The following CACNA2D3 variants were observed in gnomAD, a reference collection of about 807,000 sequenced individuals.
CACNA2D3 encodes the protein voltage-dependent calcium channel subunit alpha-2/delta-3.
Under a neutral mutation model 160.6 loss-of-function variants are expected in CACNA2D3, and 60 were observed. The observed-to-expected ratio is 0.37, with a 90% CI of 0.30 to 0.46. The LOEUF is 0.46. Ranked by LOEUF, CACNA2D3 falls within the 20% of genes least tolerant of loss-of-function variation. The probability of loss-of-function intolerance (pLI) is 1.00; values close to 1 mark genes in which losing one functional copy is unlikely to be tolerated. For missense variants in CACNA2D3, 1,205 were observed against 1,365.0 expected, an observed-to-expected ratio of 0.88 and a Z score of 1.85; for synonymous variants, 558 against 492.9, an observed-to-expected ratio of 1.13 and a Z score of -1.75.
At chr3:54,877,644 G>C (rs767293074) in intron 18 of CACNA2D3, among the ~76,000 whole-genome samples, 1 of 152,166 alleles carries the variant, frequency 6.6e-6, no homozygotes. Flanking sequence ...TTTTTGTTAT[G>C]ATTTAAGACA....
intron 11 of CACNA2D3, among the ~76,000 whole-genome samples, chr3:54,644,240 C>G (rs1177304346): frequency 6.6e-6 from 1 of 151,962 alleles, no homozygotes; most frequent in Non-Finnish European, 1.5e-5. Context: ...TTAATTGAAA[C>G]CAGAATTCTG....
At chr3:54,193,633 T>C (rs1243815411) in intron 2 of CACNA2D3, among the ~76,000 whole-genome samples, 2 of 152,228 alleles carry the variant, frequency 1.3e-5, no homozygotes, top group Non-Finnish European at 2.9e-5. Context: ...GGTGGCTATC[T>C]AACCTGGGCA....
At chr3:55,026,509 A>C (rs1472588696) in intron 35 of CACNA2D3, among the ~76,000 whole-genome samples, 1 of 152,204 alleles carries the variant, frequency 6.6e-6, no homozygotes, top group African/African-American at 2.4e-5. Context: ...AGTAAATGTT[A>C]CACGGGGGTC....
intron 27 of CACNA2D3, chr3:54,927,846 G>A (rs538779484): frequency 1.3e-5 from 20 of 1,578,590 alleles, no homozygotes; most frequent in African/African-American, 2.7e-5. Flanking sequence ...ACCTTTGTGA[G>A]GGGATACCAT....
At chr3:54,422,952 G>A (rs1415926083) in intron 4 of CACNA2D3, among the ~76,000 whole-genome samples, 3 of 152,192 alleles carry the variant, frequency 2.0e-5, no homozygotes, top group African/African-American at 7.2e-5. Flanking sequence ...CGTGGAATGG[G>A]ACAGCAGGCA....
chr3:54,343,078 A>G (rs528494484), intron 3 of CACNA2D3, among the ~76,000 whole-genome samples: 4 of 152,352 alleles, frequency 2.6e-5, no homozygotes, highest in Non-Finnish European at 2.9e-5. Context: ...TTCAATAGTG[A>G]GCAGTTGAAA....
intron 30 of CACNA2D3, among the ~76,000 whole-genome samples, chr3:54,985,730 C>G (rs1281305917): frequency 6.6e-6 from 1 of 152,142 alleles, no homozygotes; most frequent in Non-Finnish European, 1.5e-5. Flanking sequence ...AGTTAATTGT[C>G]CTTAAGTGTG....
chr3:54,122,936 C>T, intron 1 of CACNA2D3, 101 bp downstream of exon 1: 1 of 1,094,596 alleles, frequency 9.1e-7, no homozygotes, highest in Non-Finnish European at 1.1e-6. Context: ...GCAGGACCCG[C>T]CGCGGGCGTC....
chr3:54,856,859 C>T (rs977671551), intron 17 of CACNA2D3, among the ~76,000 whole-genome samples: 1 of 152,188 alleles, frequency 6.6e-6, no homozygotes. Context: ...CGGCTCACTG[C>T]ATTCTCCACC....
At chr3:54,580,027 T>C (rs1450653105) in intron 8 of CACNA2D3, among the ~76,000 whole-genome samples, 1 of 152,072 alleles carries the variant, frequency 6.6e-6, no homozygotes, top group Admixed American at 6.6e-5. Context: ...GTTGGGGGCA[T>C]TGAGGACCTG....
intron 11 of CACNA2D3, among the ~76,000 whole-genome samples, chr3:54,708,448 C>T (rs1030424020): frequency 9.2e-5 from 14 of 152,148 alleles, no homozygotes; most frequent in African/African-American, 3.1e-4. Context: ...CCCTAATAAA[C>T]ACTTCTTCGA....
chr3:54,858,135 T>C (rs1459546116), intron 17 of CACNA2D3, among the ~76,000 whole-genome samples: 1 of 151,834 alleles, frequency 6.6e-6, no homozygotes, highest in Non-Finnish European at 1.5e-5. Context: ...CATCAAAATG[T>C]AATTACAGGC....
Position 55,074,136 on chromosome 3 carries a change from G to T in CACNA2D3, c.3206G>T (p.Gly1069Val), listed in dbSNP as rs200174924. 7 of 1,613,792 alleles carry T rather than the reference G, an allele frequency of 4.3e-6. No individual in the cohort carries two copies. The highest frequency in any genetic ancestry group is 5.9e-6 in the Non-Finnish European group (7 of 1,179,760). The change falls in exon 38 of 38, where the codon GGT becomes GTT. Residue 1069 changes from glycine (G) to valine (V), a missense_variant. Gly to Val is a moderately radical substitution (Grantham distance 109). Coordinates refer to ENST00000474759, the MANE Select transcript of CACNA2D3 (RefSeq NM_018398.3). ...HPEENARECG[G>V]APSLQAQTVL... The stretch of plus-strand genomic sequence containing the variant: ...TAGGAGAATGCAAGGGAGTGTGGGG[G>T]TGCGCCGAGTCTCCAAGCCCAGACA...
At chr3:55,042,280 T>A (rs566879265) in intron 35 of CACNA2D3, among the ~76,000 whole-genome samples, 3 of 152,308 alleles carry the variant, frequency 2.0e-5, no homozygotes, top group African/African-American at 7.2e-5. Flanking sequence ...TCTACGTCTC[T>A]CTCCCTTTAG....
At chr3:54,290,798 C>A (rs910598319) in intron 2 of CACNA2D3, among the ~76,000 whole-genome samples, 2 of 152,030 alleles carry the variant, frequency 1.3e-5, no homozygotes, top group Non-Finnish European at 2.9e-5. Flanking sequence ...TCTCAGCAAA[C>A]TATCGCAAGG....
At chr3:54,881,343 T>C (rs1042493764) in intron 21 of CACNA2D3, among the ~76,000 whole-genome samples, 137 of 152,298 alleles carry the variant, frequency 9.0e-4, no homozygotes, top group Non-Finnish European at 1.6e-3. Context: ...TTGTGTTTCA[T>C]GGCAGCCCTG....
intron 11 of CACNA2D3, among the ~76,000 whole-genome samples, chr3:54,726,059 A>G (rs1371159603): frequency 1.3e-5 from 2 of 152,252 alleles, no homozygotes; most frequent in African/African-American, 4.8e-5. Flanking sequence ...CAACTTCAGC[A>G]AAGTCTCAGG....
rs540137799 is a variant in CACNA2D3 at position 54,853,332 on chromosome 3, T to C, written c.1626+6865T>C. ...GAGCGGGTAGTCAGTAAATATTTGG[T>C]GAATGATCTGCAGGATGTTTGAGTG... On this transcript the variant is annotated intron_variant, in intron 17 of 37. Transcript: ENST00000474759. 3.3e-5 allele frequency among the ~76,000 whole-genome samples: 5 copies of C among 152,352 alleles called. 1 individual carries two copies. The South Asian group carries it at 8.3e-4, about 25-fold the overall frequency.
intron 4 of CACNA2D3, among the ~76,000 whole-genome samples, chr3:54,448,247 A>G (rs1700253107): frequency 6.6e-6 from 1 of 152,190 alleles, no homozygotes; most frequent in South Asian, 2.1e-4. Flanking sequence ...ACTGAGGCTC[A>G]TTGCCTCTGA....
Sources: allele counts gnomAD v4.1 joint callset (sites outside exome capture counted in the v4.1 genomes callset), GRCh38; gene constraint gnomAD v4.1.1; transcripts MANE v1.5; gene names NCBI Gene and HGNC (gene_info 2026-07-23, HGNC 2026-07-21).